CACNA1I: variants seen among roughly 807,000 people sequenced by gnomAD.
CACNA1I encodes voltage-dependent T-type calcium channel subunit alpha-1I.
In CACNA1I, 74 loss-of-function variants were observed where a neutral mutation model predicts 201.6. That is an observed-to-expected ratio of 0.37 (90% CI 0.30 to 0.45). The LOEUF is 0.45. Ranked by LOEUF, CACNA1I falls within the 20% of genes least tolerant of loss-of-function variation. The pLI is 1.00. For missense variants in CACNA1I, 2,346 were observed against 3,138.1 expected (o/e 0.75, Z 6.03); for synonymous variants, 1,431 against 1,345.2 (o/e 1.06, Z -1.40).
At chr22:39,621,501 G>C (rs1368514198) in intron 4 of CACNA1I, among the ~76,000 whole-genome samples, 2 of 152,252 alleles carry the variant, frequency 1.3e-5, no homozygotes, top group Admixed American at 1.3e-4. Context: ...GCCTGGCGGG[G>C]CAGGAGAGGC....
intron 1 of CACNA1I, among the ~76,000 whole-genome samples, chr22:39,579,886 C>T (rs1285982007): frequency 4.6e-5 from 7 of 152,288 alleles, no homozygotes; most frequent in South Asian, 4.1e-4. Context: ...TGACCTCAAG[C>T]GATCCACCAG....
Position 39,665,064 on chromosome 22 carries a change from C to T in CACNA1I, c.3851+141C>T. ...TGAGTGCCAAACACCCTGAGCTGTT[C>T]CCGGGGGAGGGGTCTGCAGACCCTG... On this transcript the variant is annotated intron_variant, in intron 21 of 36. Coordinates refer to ENST00000402142, the MANE Select transcript of CACNA1I (RefSeq NM_021096.4). This position sits in a 1 kb window ranked among gnomAD's most constrained non-coding sequence, Gnocchi z 5.5. 2 of 788,114 alleles carry T rather than the reference C, an allele frequency of 2.5e-6. No individual in the cohort carries two copies. The highest frequency in any genetic ancestry group is 4.0e-6 in the Non-Finnish European group (2 of 499,278). 48.8% of individuals were successfully genotyped at this position (788,114 alleles called of 1,614,324 possible).
chr22:39,666,611 C>T lies in CACNA1I; in HGVS notation c.4104+605C>T, dbSNP rs1234176618. Among the ~76,000 whole-genome samples the T allele has an allele frequency of 6.6e-6, 1 of 152,166 alleles. No individual in the cohort carries two copies. The highest frequency in any genetic ancestry group is 2.4e-5 in the African/African-American group (1 of 41,432). ...CAGGTGAGGGCCCTTGGCTGGCTGC[C>T]TCCCCTTCCCTGCTCTCATTTCTCG... is the stretch of plus-strand genomic sequence containing the variant. On this transcript the variant is annotated intron_variant, in intron 23 of 36. Coordinates refer to ENST00000402142, the MANE Select transcript of CACNA1I (RefSeq NM_021096.4). This position sits in a 1 kb window ranked among gnomAD's most constrained non-coding sequence, Gnocchi z 4.1.
At position 39,570,935 on chromosome 22, in the gene CACNA1I, C is replaced by T. The variant is rs755543482; in HGVS notation, c.183C>T (p.Cys61=). ...ACCTGGCGCCTATTGCCTTCTTCTG[C>T]CTGCGACAGACCACCAGCCCCCGGA... ...HPDLAPIAFF[C]LRQTTSPRNW... The change falls in exon 1 of 37, where the codon TGC becomes TGT. Residue 61 remains cysteine, a synonymous_variant. Coordinates refer to ENST00000402142, the MANE Select transcript of CACNA1I (RefSeq NM_021096.4). 18 of 1,613,822 alleles carry T rather than the reference C, an allele frequency of 1.1e-5. No individual in the cohort carries two copies. The highest frequency in any genetic ancestry group is 1.4e-5 in the Non-Finnish European group (17 of 1,179,862).
chr22:39,685,728 C>A lies in CACNA1I; in HGVS notation c.6028-33C>A. Reference sequence around the variant, plus strand: ...CAGGTTGCTGGGGTGGGGGCCGACACAGGCGGCCTCCACGGCTCCCACCTC... The same window carrying A: ...CAGGTTGCTGGGGTGGGGGCCGACAAAGGCGGCCTCCACGGCTCCCACCTC... On this transcript the variant is annotated intron_variant, in intron 36 of 36. Transcript: ENST00000402142. The surrounding 1 kb of genome is among the most constrained non-coding windows in gnomAD (Gnocchi z 5.0). 1 of 1,423,716 alleles carries A rather than the reference C, an allele frequency of 7.0e-7. No individual in the cohort carries two copies. The highest frequency in any genetic ancestry group is 1.5e-5 in the South Asian group (1 of 68,082). 88.2% of individuals were successfully genotyped at this position (1,423,716 alleles called of 1,614,324 possible).
In CACNA1I at chr22:39,663,856, C is replaced by G. The variant is rs760677073; in HGVS notation, c.3597+15C>G. 1 of 1,613,138 alleles carries G rather than the reference C, an allele frequency of 6.2e-7. No homozygotes were observed. The highest frequency in any genetic ancestry group is 8.5e-7 in the Non-Finnish European group (1 of 1,179,738). ...CCGGCAGCACCGTGAGTGGCTGTAG[C>G]CTTTGGGCAGGGCAGGCGCCAGGCC... On this transcript the variant is annotated intron_variant, in intron 19 of 36. Coordinates refer to ENST00000402142, the MANE Select transcript of CACNA1I (RefSeq NM_021096.4).
chr22:39,587,633 C>T (rs1932770453), intron 1 of CACNA1I: 11 of 387,852 alleles, frequency 2.8e-5, no homozygotes, highest in Middle Eastern at 3.6e-4. Context: ...CTGGCTCTGT[C>T]CCTCACTGAC....
At chr22:39,585,081 TAG>T (rs1474745235) in intron 1 of CACNA1I, among the ~76,000 whole-genome samples, 1 of 152,260 alleles carries the variant, frequency 6.6e-6, no homozygotes, top group Non-Finnish European at 1.5e-5. Flanking sequence ...CTTTTTGAGA[TAG>T]AGTTTCGCTT....
At chr22:39,574,606 C>T (rs1196338169) in intron 1 of CACNA1I, among the ~76,000 whole-genome samples, 4 of 152,126 alleles carry the variant, frequency 2.6e-5, no homozygotes, top group African/African-American at 9.7e-5. Context: ...CTCAATGGGA[C>T]ACCATTGGCA....
chr22:39,682,123 C>T (rs1293519399), intron 34 of CACNA1I, among the ~76,000 whole-genome samples: 1 of 152,080 alleles, frequency 6.6e-6, no homozygotes, highest in African/African-American at 2.4e-5. Context: ...GGAAGGTAGG[C>T]GTTACTCTCC....
rs751108102 is a variant in CACNA1I at position 39,662,059 on chromosome 22, C to T, written c.2996C>T (p.Pro999Leu). ...SSWNSLKHKP[P>L]SAEHESLLSA... ...TGGAACAGCCTCAAGCACAAGCCGC[C>T]GTCGGCGGAGCATGAGTCCCTGCTC... Residue 999 changes from proline to leucine, a missense_variant, in exon 17 of 37, where the codon CCG becomes CTG. Around this residue, in one of 13 missense-constraint regions of CACNA1I, gnomAD observed 288 missense variants for 255.2 expected, o/e 1.13. Transcript: ENST00000402142. 1 of 1,555,002 alleles carries T rather than the reference C, an allele frequency of 6.4e-7. No homozygotes were observed. The highest frequency in any genetic ancestry group is 8.7e-7 in the Non-Finnish European group (1 of 1,154,714).
intron 24 of CACNA1I, 51 bp downstream of exon 24, chr22:39,668,432 G>T (rs1355347386): frequency 1.6e-6 from 2 of 1,214,026 alleles, no homozygotes; most frequent in Non-Finnish European, 2.4e-6. Context: ...GGAACATGGT[G>T]TCCTTGGGGC....
chr22:39,672,145 G>T (rs1341934053), intron 26 of CACNA1I, 54 bp from the exon 27 acceptor site: 14 of 1,104,426 alleles, frequency 1.3e-5, no homozygotes, highest in Non-Finnish European at 1.8e-5. Flanking sequence ...AGTGGAGGAA[G>T]GTTGTGGAGC....
Position 39,677,998 on chromosome 22 carries a change from G to T in CACNA1I, c.4945G>T (p.Glu1649Ter). 6.3e-7 allele frequency: 1 copy of T among 1,593,114 alleles called. No individual in the cohort carries two copies. The change falls in exon 31 of 37, where the codon GAG (glutamate) becomes TAG (stop). Residue 1649 changes from glutamate (E) to a stop codon, truncating the protein, a stop_gained. Coordinates refer to ENST00000402142, the MANE Select transcript of CACNA1I (RefSeq NM_021096.4). LOFTEE classifies it high-confidence loss of function. The surrounding 1 kb of genome is among the most constrained non-coding windows in gnomAD (Gnocchi z 4.8). ...CTCCCCGCTTCCAGTCTGCAACGAC[G>T]AGAACCCGTGCGAGGGCATGAGCCG... ...ELFGKLVCND[E>*]NPCEGMSRHA...
chr22:39,609,182 G>A (rs1006876609), intron 3 of CACNA1I, among the ~76,000 whole-genome samples: 9 of 152,228 alleles, frequency 5.9e-5, no homozygotes, highest in Non-Finnish European at 1.0e-4. Flanking sequence ...GAGGGCTGTG[G>A]TCAGTTCCAC....
At chr22:39,661,006 C>T in intron 15 of CACNA1I, 102 bp from the exon 16 acceptor site, 1 of 965,514 alleles carries the variant, frequency 1.0e-6, no homozygotes, top group Non-Finnish European at 1.6e-6. Flanking sequence ...AAAAGCTCTC[C>T]ATTTCTGCTC....
At chr22:39,679,078 T>A in intron 31 of CACNA1I, 29 bp from the exon 32 acceptor site, 1 of 1,535,158 alleles carries the variant, frequency 6.5e-7, no homozygotes. Flanking sequence ...GTCTCCGTCC[T>A]CATCCTCACC....
chr22:39,672,217 A>G lies in CACNA1I; in HGVS notation c.4558A>G (p.Lys1520Glu). 2 of 1,613,266 alleles carry G rather than the reference A, an allele frequency of 1.2e-6. No individual in the cohort carries two copies. The highest frequency in any genetic ancestry group is 1.7e-6 in the Non-Finnish European group (2 of 1,179,286). The change falls in exon 27 of 37, where the codon AAG becomes GAG. Residue 1520 changes from lysine (K) to glutamate (E), a missense_variant. By Grantham distance (56) the Lys-to-Glu change is moderately conservative. Transcript: ENST00000402142. ...NQPTSLETAL[K>E]YCNYMFTTVF... is the part of the protein sequence containing the mutation. ...TCCATAGTCCCTGGAGACAGCCCTC[A>G]AGTACTGCAACTATATGTTCACCAC... is the stretch of plus-strand genomic sequence containing the variant.
intron 3 of CACNA1I, among the ~76,000 whole-genome samples, chr22:39,601,888 T>TCCCTCCC (rs1933052218): frequency 3.6e-5 from 1 of 27,728 alleles, no homozygotes; most frequent in Non-Finnish European, 7.9e-5. Context: ...TCTCTCTTTC[T>TCCCTCCC]TTCACCCTCC....
Sources: gnomAD v4.1 joint callset for allele counts (sites outside exome capture counted in the v4.1 genomes callset) on GRCh38, gnomAD v4.1.1 for gene constraint, gnomAD v4.1.1 regional missense constraint, Gnocchi (gnomAD v3.1) non-coding constraint, MANE v1.5 for transcripts, NCBI Gene and HGNC (gene_info 2026-07-23, HGNC 2026-07-21) for gene names.